SERPINB6: variants seen among roughly 807,000 people sequenced by gnomAD.
SERPINB6 encodes the protein serpin family B member 6.
Under a neutral mutation model 26.1 loss-of-function variants are expected in SERPINB6, and 16 were observed. The ratio of observed to expected loss-of-function variants is 0.61; its 90% confidence interval spans 0.42 to 0.93. SERPINB6 has a LOEUF of 0.93. Among genes scored for constraint, SERPINB6 ranks in the 40% least tolerant of loss-of-function variants. The probability of loss-of-function intolerance (pLI) is 0.00; values close to 1 mark genes in which losing one functional copy is unlikely to be tolerated. For missense variants in SERPINB6, 420 were observed against 478.0 expected, an observed-to-expected ratio of 0.88 and a Z score of 1.13; for synonymous variants, 174 against 176.6, an observed-to-expected ratio of 0.99 and a Z score of 0.11.
At chr6:2,950,986 T>C (rs1769722870) in intron 5 of SERPINB6, among the ~76,000 whole-genome samples, 1 of 152,238 alleles carries the variant, frequency 6.6e-6, no homozygotes, top group Non-Finnish European at 1.5e-5. Flanking sequence ...GCAGTAGGCA[T>C]GTTTCTTCCA....
At chr6:2,971,103 C>T in intron 1 of SERPINB6, 2 of 1,087,012 alleles carry the variant, frequency 1.8e-6, no homozygotes, top group Non-Finnish European at 1.1e-6. Flanking sequence ...GGCCGCGGGG[C>T]CGACCGGGGT....
At position 2,948,412 on chromosome 6, in the gene SERPINB6, C is replaced by T. The variant is rs763709966; in HGVS notation, c.1017G>A (p.Met339Ile). The T allele has an allele frequency of 6.2e-7, 1 of 1,614,210 alleles. No homozygotes were observed. Among genetic ancestry groups the T allele is most frequent in the Admixed American group, 1.7e-5 (1 of 60,024 alleles). Reference protein sequence around the residue: ...EAAAATAAIMMMRCARFVPRF... With the variant: ...EAAAATAAIMIMRCARFVPRF... ...GGGGGACGAATCTGGCACACCGCATCATCATGATGGCAGCTGTGGCGGCTG... is the reference window on the plus strand; with the variant it reads ...GGGGGACGAATCTGGCACACCGCATTATCATGATGGCAGCTGTGGCGGCTG... The change falls in exon 7 of 7, where the codon ATG becomes ATA. Residue 339 changes from methionine to isoleucine, a missense_variant. Physicochemically the swap from Met to Ile is conservative, Grantham distance 10. Coordinates refer to ENST00000380539, the MANE Select transcript of SERPINB6 (RefSeq NM_004568.6). This position sits in a 1 kb window ranked among gnomAD's most constrained non-coding sequence, Gnocchi z 5.0.
chr6:2,955,046 C>T lies in SERPINB6; in HGVS notation c.313-337G>A, dbSNP rs1964863. On this transcript the variant is annotated intron_variant, in intron 3 of 6. Coordinates refer to ENST00000380539, the MANE Select transcript of SERPINB6 (RefSeq NM_004568.6). ...CTCTACTAAAAATACAAAAATTAGCCATGTATGGTGGCATGCACCTGTAAT... is the reference window on the plus strand; with the variant it reads ...CTCTACTAAAAATACAAAAATTAGCTATGTATGGTGGCATGCACCTGTAAT... The T allele has an allele frequency of 0.29, 90,118 of 309,908 alleles. 13,939 individuals are homozygous for T. The highest frequency in any genetic ancestry group is 0.33 in the Non-Finnish European group (53,716 of 161,858). 19.2% of individuals were successfully genotyped at this position (309,908 alleles called of 1,614,324 possible). A position where few individuals can be genotyped will look rare whatever the true frequency, so the allele number is the denominator to read the frequency against.
intron 1 of SERPINB6, chr6:2,971,039 C>T (rs1772106128): frequency 8.4e-7 from 1 of 1,197,186 alleles, no homozygotes; most frequent in South Asian, 4.3e-5. Context: ...ACACCCGGCG[C>T]CCCAAGACTG....
intron 1 of SERPINB6, among the ~76,000 whole-genome samples, chr6:2,965,369 C>A (rs552905217): frequency 6.6e-6 from 1 of 152,328 alleles, no homozygotes; most frequent in South Asian, 2.1e-4. Context: ...TAGACGGGGA[C>A]AAGTTTCCCT....
chr6:2,965,036 C>T (rs1428606643), intron 1 of SERPINB6, among the ~76,000 whole-genome samples: 1 of 152,168 alleles, frequency 6.6e-6, no homozygotes, highest in South Asian at 2.1e-4. Context: ...AGGCCGAGGG[C>T]CCGGTCCCGA....
chr6:2,950,116 C>A (rs1769608624), intron 5 of SERPINB6, among the ~76,000 whole-genome samples: 1 of 152,178 alleles, frequency 6.6e-6, no homozygotes, highest in African/African-American at 2.4e-5. Flanking sequence ...TAATATGCTC[C>A]TATTTTCTTA....
chr6:2,959,206 T>C lies in SERPINB6; in HGVS notation c.127A>G (p.Met43Val). The C allele has an allele frequency of 6.2e-7, 1 of 1,614,144 alleles. No individual in the cohort carries two copies. Among genetic ancestry groups the C allele is most frequent in the Non-Finnish European group, 8.5e-7 (1 of 1,180,050 alleles). Residue 43 changes from methionine to valine, a missense_variant, in exon 2 of 7, where the codon ATG (methionine) becomes GTG (valine). Transcript: ENST00000380539. The part of the protein sequence containing the change: ...SMSCALAMVY[M>V]GAKGNTAAQM... ...GCAGCGGTGTTTCCCTTTGCCCCCATGTAGACCATGGCCAGGGCACAGGAC... is the reference window on the plus strand; with the variant it reads ...GCAGCGGTGTTTCCCTTTGCCCCCACGTAGACCATGGCCAGGGCACAGGAC...
chr6:2,948,570 G>A lies in SERPINB6; in HGVS notation c.859C>T (p.Arg287Cys), dbSNP rs778841769. Reference sequence around the variant, plus strand: ...AAGGCATCAGTCATGCCCAGGTTGCGCAGGACACTCTCCATGTCGTAGCTT... The same window carrying A: ...AAGGCATCAGTCATGCCCAGGTTGCACAGGACACTCTCCATGTCGTAGCTT... ...EESYDMESVL[R>C]NLGMTDAFEL... Residue 287 changes from arginine to cysteine, a missense_variant, in exon 7 of 7, where the codon CGC (arginine) becomes TGC (cysteine). Arg to Cys is a radical substitution (Grantham distance 180). Coordinates refer to ENST00000380539, the MANE Select transcript of SERPINB6 (RefSeq NM_004568.6). The surrounding 1 kb of genome is among the most constrained non-coding windows in gnomAD (Gnocchi z 5.0). The A allele has an allele frequency of 4.3e-6, 7 of 1,614,198 alleles. No homozygotes were observed. The highest frequency in any genetic ancestry group is 5.9e-6 in the Non-Finnish European group (7 of 1,180,028).
In SERPINB6 at chr6:2,967,770, C is replaced by T. The variant is rs1428696765; in HGVS notation, c.-11+3763G>A. 1 of 152,146 alleles carries T rather than the reference C, an allele frequency of 6.6e-6. No individual in the cohort carries two copies. The highest frequency in any genetic ancestry group is 1.5e-5 in the Non-Finnish European group (1 of 68,042). 9.4% of individuals were successfully genotyped at this position (152,146 alleles called of 1,614,324 possible). A position where few individuals can be genotyped will look rare whatever the true frequency, so the allele number is the denominator to read the frequency against. ...TACCATCTCACGCCAGTCAGAATGG[C>T]TATTATTAAAAAGTCAAAAATTAAG... On this transcript the variant is annotated intron_variant, in intron 1 of 6. Coordinates refer to ENST00000380539, the MANE Select transcript of SERPINB6 (RefSeq NM_004568.6). The surrounding 1 kb of genome is among the most constrained non-coding windows in gnomAD (Gnocchi z 4.3).
At chr6:2,965,262 G>C (rs1027555947) in intron 1 of SERPINB6, among the ~76,000 whole-genome samples, 2 of 151,880 alleles carry the variant, frequency 1.3e-5, no homozygotes, top group African/African-American at 2.4e-5. Flanking sequence ...CATATGCTTC[G>C]ACACAAGGAA....
In SERPINB6 at chr6:2,949,044, A is replaced by G. The variant is rs1227589700; in HGVS notation, c.599T>C (p.Met200Thr). 6.2e-7 allele frequency: 1 copy of G among 1,614,218 alleles called. No individual in the cohort carries two copies. The highest frequency in any genetic ancestry group is 8.5e-7 in the Non-Finnish European group (1 of 1,180,042). Reference sequence around the variant, plus strand: ...CTTCTTAAAAGTAGATTGCTTAAACATCATTTGCACAGGTTTCTCCTCATT... The same window carrying G: ...CTTCTTAAAAGTAGATTGCTTAAACGTCATTTGCACAGGTTTCTCCTCATT... ...SKNEEKPVQMMFKQSTFKKTY... is the reference protein window; with the variant it reads ...SKNEEKPVQMTFKQSTFKKTY... Residue 200 changes from methionine to threonine, a missense_variant, in exon 6 of 7, where the codon ATG (methionine) becomes ACG (threonine). Transcript: ENST00000380539.
chr6:2,970,425 A>G (rs79723089), intron 1 of SERPINB6: 85,511 of 1,054,072 alleles, frequency 0.081, 3,584 homozygotes, highest in East Asian at 0.17. Flanking sequence ...ATCTATGCTG[A>G]TAACAGCAGT....
chr6:2,961,435 TA>T (rs1369419554), intron 1 of SERPINB6: 1 of 152,214 alleles, frequency 6.6e-6, no homozygotes, highest in Non-Finnish European at 1.5e-5. Context: ...AACACCAGTA[TA>T]AACAAAAGTA....
intron 1 of SERPINB6, chr6:2,962,104 G>T (rs1233431743): frequency 2.2e-5 from 22 of 985,300 alleles, no homozygotes; most frequent in Middle Eastern, 1.0e-3. Flanking sequence ...ATATCCCGGA[G>T]AATCTGTTTC....
At chr6:2,954,913 G>A (rs1770250323) in intron 3 of SERPINB6, 1 of 563,916 alleles carries the variant, frequency 1.8e-6, no homozygotes. Context: ...GTCAAGGTCA[G>A]GTACTGTGGC....
At chr6:2,970,191 A>G (rs1772010447) in intron 1 of SERPINB6, 9 of 985,114 alleles carry the variant, frequency 9.1e-6, no homozygotes, top group Non-Finnish European at 1.1e-5. Flanking sequence ...TTATTATTAC[A>G]TATGTGGAAA....
Position 2,955,409 on chromosome 6 carries a change from C to A in SERPINB6, c.312+115G>T, listed in dbSNP as rs144971993. 461 of 1,223,172 alleles carry A rather than the reference C, an allele frequency of 3.8e-4. 1 individual carries two copies. The African/African-American group carries it at 6.0e-3, about 16-fold the overall frequency. The allele number at this position is 1,223,172 out of a possible 1,614,324, so 75.8% of individuals were successfully genotyped here. A position where few individuals can be genotyped will look rare whatever the true frequency, so the allele number is the denominator to read the frequency against. ...CATATTGGCAGGTGAAAAGAAATTA[C>A]AAAAGCCTATGTATGGCATAATGGC... On this transcript the variant is annotated intron_variant, in intron 3 of 6. Coordinates refer to ENST00000380539, the MANE Select transcript of SERPINB6 (RefSeq NM_004568.6).
chr6:2,948,232 G>A lies in SERPINB6; in HGVS notation c.*66C>T. The A allele has an allele frequency of 1.3e-6, 2 of 1,592,644 alleles. No homozygotes were observed. The highest frequency in any genetic ancestry group is 1.1e-5 in the South Asian group (1 of 90,448). ...CTGCACGGATAAGGCCACTTGGGTT[G>A]CAGGCACACTGTGGAGTGTCAGGGG... On this transcript the variant is annotated 3_prime_UTR_variant, in exon 7 of 7. Transcript: ENST00000380539. This position sits in a 1 kb window ranked among gnomAD's most constrained non-coding sequence, Gnocchi z 5.0.
Sources: allele counts gnomAD v4.1 joint callset (sites outside exome capture counted in the v4.1 genomes callset), GRCh38; gene constraint gnomAD v4.1.1; non-coding constraint Gnocchi (gnomAD v3.1); transcripts MANE v1.5; gene names NCBI Gene and HGNC (gene_info 2026-07-23, HGNC 2026-07-21).